KCNT2: variants seen among roughly 807,000 people sequenced by gnomAD.
KCNT2 encodes the protein potassium sodium-activated channel subfamily T member 2.
KCNT2 carries 67 observed loss-of-function variants against 153.8 expected under a neutral mutation model. That is an observed-to-expected ratio of 0.44 (90% confidence interval 0.36 to 0.53). KCNT2 has a LOEUF of 0.53. KCNT2 is among the 20% of genes least tolerant of loss of function. The pLI is 0.00. For missense variants in KCNT2, 975 were observed against 1,354.8 expected (o/e 0.72, Z 4.40); for synonymous variants, 500 against 458.8 (o/e 1.09, Z -1.15).
At chr1:196,248,582 C>T (rs1655658808) in intron 26 of KCNT2, among the ~76,000 whole-genome samples, 1 of 151,996 alleles carries the variant, frequency 6.6e-6, no homozygotes, top group Admixed American at 6.6e-5. Context: ...ACAAAACCTA[C>T]CAAGATTGAA....
chr1:196,522,905 C>G (rs976793022), intron 1 of KCNT2, among the ~76,000 whole-genome samples: 1 of 152,162 alleles, frequency 6.6e-6, no homozygotes, highest in African/African-American at 2.4e-5. Flanking sequence ...GTAAAATGCA[C>G]CAATCAGCAG....
intron 1 of KCNT2, among the ~76,000 whole-genome samples, chr1:196,541,976 A>G (rs1656443048): frequency 6.6e-6 from 1 of 152,046 alleles, no homozygotes; most frequent in Admixed American, 6.6e-5. Context: ...GGTGTCTAGC[A>G]CCTAAAAAAT....
intron 1 of KCNT2, among the ~76,000 whole-genome samples, chr1:196,559,557 G>T (rs1004455384): frequency 2.6e-5 from 4 of 151,628 alleles, no homozygotes; most frequent in Admixed American, 1.3e-4. Context: ...TTTGCAAAGG[G>T]TTGCACAAAT....
chr1:196,248,726 A>C (rs1256349922), intron 26 of KCNT2, among the ~76,000 whole-genome samples: 1 of 152,208 alleles, frequency 6.6e-6, no homozygotes, highest in East Asian at 1.9e-4. Flanking sequence ...CATTGAAAGA[A>C]GGACTAATAA....
In KCNT2 at chr1:196,519,815, C is replaced by T. The variant is rs180887492; in HGVS notation, c.96-27474G>A. ...ATCAGTAATAAATAGCATACCAATACACAAAAAAAGCCCAAGACCAGAAAG... is the reference window on the plus strand; with the variant it reads ...ATCAGTAATAAATAGCATACCAATATACAAAAAAAGCCCAAGACCAGAAAG... On this transcript the variant is annotated intron_variant, in intron 1 of 27. Transcript: ENST00000294725. Among the ~76,000 whole-genome samples, 11 of 151,932 alleles carry T rather than the reference C, an allele frequency of 7.2e-5. No homozygotes were observed. In the East Asian group the frequency reaches 7.7e-4, roughly 11 times the overall value.
chr1:196,540,378 G>T (rs1656190551), intron 1 of KCNT2, among the ~76,000 whole-genome samples: 2 of 152,050 alleles, frequency 1.3e-5, no homozygotes, highest in Non-Finnish European at 2.9e-5. Flanking sequence ...GGGGAAAAAA[G>T]AAACTAATCT....
chr1:196,492,183 T>C (rs775480492), intron 2 of KCNT2, 79 bp downstream of exon 2: 38 of 1,283,018 alleles, frequency 3.0e-5, no homozygotes, highest in Non-Finnish European at 3.8e-5. Context: ...CTAAAAAGTA[T>C]TTTGCAAAAG....
At chr1:196,405,425 T>C (rs549233925) in intron 12 of KCNT2, among the ~76,000 whole-genome samples, 25 of 151,636 alleles carry the variant, frequency 1.6e-4, no homozygotes, top group Admixed American at 1.5e-3. Flanking sequence ...GAAGAATGAA[T>C]GTCTCCATAA....
intron 1 of KCNT2, among the ~76,000 whole-genome samples, chr1:196,557,561 C>T (rs1658842889): frequency 6.7e-6 from 1 of 148,932 alleles, no homozygotes; most frequent in African/African-American, 2.4e-5. Context: ...AACAAGATCT[C>T]GTGTAGAAAA....
rs1656689751 is a variant in KCNT2 at position 196,258,260 on chromosome 1, T to G, written c.3145A>C (p.Arg1049=). 3 of 1,614,012 alleles carry G rather than the reference T, an allele frequency of 1.9e-6. No individual in the cohort carries two copies. The African/African-American group carries it at 4.0e-5, about 22-fold the overall frequency. Residue 1049 remains arginine, a synonymous_variant, in exon 26 of 28, where the codon AGA becomes CGA. Transcript: ENST00000294725. ...TTCACAAGTTCAGCAAGCTCTTGTC[T>G]TTCTGACCTCCTGTAGAGGTTCAGT... ...QRLNLYRRSE[R]QELAELVKNR...
At chr1:196,481,041 A>G (rs1383938082) in intron 4 of KCNT2, among the ~76,000 whole-genome samples, 1 of 152,122 alleles carries the variant, frequency 6.6e-6, no homozygotes, top group Non-Finnish European at 1.5e-5. Context: ...CTACATTTTA[A>G]TGAACATTTC....
intron 14 of KCNT2, among the ~76,000 whole-genome samples, chr1:196,356,906 C>A (rs1315196980): frequency 6.6e-6 from 1 of 151,720 alleles, no homozygotes; most frequent in Non-Finnish European, 1.5e-5. Flanking sequence ...ACCATGTTGG[C>A]AGCCAAATAA....
At chr1:196,290,121 A>G (rs755617071) in intron 22 of KCNT2, among the ~76,000 whole-genome samples, 3 of 152,048 alleles carry the variant, frequency 2.0e-5, no homozygotes, top group Admixed American at 6.6e-5. Flanking sequence ...TATTGGCACA[A>G]ATTACTGGTT....
chr1:196,567,203 A>G (rs1240136470), intron 1 of KCNT2, among the ~76,000 whole-genome samples: 3 of 151,446 alleles, frequency 2.0e-5, no homozygotes, highest in South Asian at 2.1e-4. Flanking sequence ...CCTCTACTTG[A>G]ACGTTAATGT....
intron 20 of KCNT2, among the ~76,000 whole-genome samples, chr1:196,317,919 T>C (rs1225303323): frequency 6.6e-6 from 1 of 151,758 alleles, no homozygotes; most frequent in African/African-American, 2.4e-5. Context: ...GAATAATATT[T>C]CTGAACCATG....
chr1:196,285,784 A>AT, intron 22 of KCNT2, 26 bp from the exon 23 acceptor site: 1 of 1,335,206 alleles, frequency 7.5e-7, no homozygotes, highest in Non-Finnish European at 1.1e-6. Context: ...AGATAGAAAA[A>AT]TTTGTGAGCA....
rs1335823086 is a variant in KCNT2, at chr1:196,333,942, C to T, written c.1902G>A (p.Glu634=). 2 of 1,612,716 alleles carry T rather than the reference C, an allele frequency of 1.2e-6. No homozygotes were observed. Among genetic ancestry groups the T allele is most frequent in the South Asian group, 2.2e-5 (2 of 91,072 alleles). ...IRRPSIAPVL[E]VADTSSIQTC... is the part of the protein sequence containing the mutation. ...TTTGAATCGATGATGTATCTGCAAC[C>T]TCTAAAACAGGAGCAATGCTAGGTC... Residue 634 remains glutamate, a synonymous_variant, in exon 17 of 28, where the codon GAG becomes GAA. Coordinates refer to ENST00000294725, the MANE Select transcript of KCNT2 (RefSeq NM_198503.5).
chr1:196,273,634 T>G (rs558895), intron 25 of KCNT2: 536,677 of 559,014 alleles, frequency 0.96, 258,147 homozygotes, highest in Non-Finnish European at 0.98. Context: ...ATTTCTCGTA[T>G]GGCTTTTGAA....
rs765596448 is a variant in KCNT2, at chr1:196,562,817, C to T, written c.95+45398G>A. ...GACAAAAGTAAACAAGGAAACCAAA[C>T]GAAATACCTGAATACCCAATAAAAT... is the stretch of plus-strand genomic sequence containing the variant. On this transcript the variant is annotated intron_variant, in intron 1 of 27. Transcript: ENST00000294725. 6.6e-5 allele frequency among the ~76,000 whole-genome samples: 10 copies of T among 151,488 alleles called. No individual in the cohort carries two copies. The South Asian group carries it at 8.3e-4, about 13-fold the overall frequency.
Sources: allele counts gnomAD v4.1 joint callset (sites outside exome capture counted in the v4.1 genomes callset), GRCh38; gene constraint gnomAD v4.1.1; transcripts MANE v1.5; gene names NCBI Gene and HGNC (gene_info 2026-07-23, HGNC 2026-07-21).